The following PRMT7 variants were observed in gnomAD, a reference collection of about 807,000 sequenced individuals.
PRMT7 encodes the protein protein arginine N-methyltransferase 7.
Under a neutral mutation model 85.4 loss-of-function variants are expected in PRMT7, and 75 were observed. The observed-to-expected ratio is 0.88, with a 90% CI of 0.73 to 1.06. The LOEUF (loss-of-function observed/expected upper bound fraction) is 1.06, where lower values mean the gene tolerates loss of function less well. PRMT7 is among the 50% of genes least tolerant of loss of function. PRMT7 has a pLI of 0.00. For missense variants in PRMT7, 868 were observed against 915.2 expected (o/e 0.95, Z 0.67); for synonymous variants, 397 against 359.5 (o/e 1.10, Z -1.18).
At chr16:68,349,769 C>T (rs2086997853) in intron 14 of PRMT7, among the ~76,000 whole-genome samples, 2 of 152,052 alleles carry the variant, frequency 1.3e-5, no homozygotes, top group Admixed American at 1.3e-4. Flanking sequence ...TGGCACGTGC[C>T]TGTAGTCCCA....
intron 6 of PRMT7, among the ~76,000 whole-genome samples, chr16:68,332,201 A>G (rs571924138): frequency 1.8e-4 from 27 of 152,284 alleles, no homozygotes; most frequent in African/African-American, 6.5e-4. Flanking sequence ...ACGTTTTGGC[A>G]TTCTCCAACT....
chr16:68,321,417 GTT>G lies in PRMT7; in HGVS notation c.96-4_96-3del. ...TCATGCAAAGGTTACTGACTTTTTT[GTT>G]TTTTAGGTCATCTTATGCAGATATG... On this transcript the variant is annotated splice_polypyrimidine_tract_variant and splice_region_variant and intron_variant, in intron 3 of 18. Transcript: ENST00000441236. The G allele has an allele frequency of 1.2e-6, 2 of 1,603,406 alleles. No homozygotes were observed. Among genetic ancestry groups the G allele is most frequent in the Non-Finnish European group, 1.7e-6 (2 of 1,172,144 alleles).
At chr16:68,324,531 C>A in intron 4 of PRMT7, 152 bp from the exon 5 acceptor site, 3 of 857,820 alleles carry the variant, frequency 3.5e-6, no homozygotes, top group Non-Finnish European at 5.4e-6. Flanking sequence ...CAAGACCTGC[C>A]CAACTCAGCC....
Position 68,315,903 on chromosome 16 carries a change from G to T in PRMT7, c.-77G>T. The stretch of plus-strand genomic sequence containing the variant: ...TTCCTTCTGATGTTAATAGATTTCT[G>T]ACAGTCAGACTTGTCCACAAGAACT... On this transcript the variant is annotated 5_prime_UTR_variant, in exon 3 of 19. Coordinates refer to ENST00000441236, the MANE Select transcript of PRMT7 (RefSeq NM_019023.5). 1 of 1,185,984 alleles carries T rather than the reference G, an allele frequency of 8.4e-7. No homozygotes were observed. The highest frequency in any genetic ancestry group is 1.3e-5 in the South Asian group (1 of 79,316). The allele number at this position is 1,185,984 out of a possible 1,614,324, so 73.5% of individuals were successfully genotyped here. A position where few individuals can be genotyped will look rare whatever the true frequency, so the allele number is the denominator to read the frequency against.
intron 9 of PRMT7, among the ~76,000 whole-genome samples, chr16:68,342,080 C>T (rs1401255001): frequency 1.3e-5 from 2 of 152,116 alleles, no homozygotes; most frequent in Non-Finnish European, 2.9e-5. Flanking sequence ...GAGTTCGAGA[C>T]CAGCCTGGCC....
At chr16:68,317,409 G>T (rs2151374423) in intron 3 of PRMT7, among the ~76,000 whole-genome samples, 1 of 152,252 alleles carries the variant, frequency 6.6e-6, no homozygotes, top group Non-Finnish European at 1.5e-5. Flanking sequence ...GCTTTCAGAT[G>T]AGCCAGATTG....
Position 68,348,506 on chromosome 16 carries a change from C to T in PRMT7, c.1413+75C>T. 3 of 1,205,188 alleles carry T rather than the reference C, an allele frequency of 2.5e-6. 1 individual carries two copies. The South Asian group carries it at 4.1e-5, about 16-fold the overall frequency. 74.7% of individuals were successfully genotyped at this position (1,205,188 alleles called of 1,614,324 possible). A position where few individuals can be genotyped will look rare whatever the true frequency, so the allele number is the denominator to read the frequency against. On this transcript the variant is annotated intron_variant, in intron 14 of 18. Transcript: ENST00000441236. ...GCACGGCACTGAAGTAGCCCAGGCCCCACCCTGTCCCTGGAGTCTCACAGT... is the reference window on the plus strand; with the variant it reads ...GCACGGCACTGAAGTAGCCCAGGCCTCACCCTGTCCCTGGAGTCTCACAGT...
chr16:68,321,576 G>T, intron 4 of PRMT7, 114 bp downstream of exon 4: 2 of 995,110 alleles, frequency 2.0e-6, no homozygotes, highest in Non-Finnish European at 3.0e-6. Flanking sequence ...GAGGCGTATG[G>T]TGTAGAAGTC....
At chr16:68,333,030 G>A (rs1209358966) in intron 6 of PRMT7, among the ~76,000 whole-genome samples, 1 of 152,030 alleles carries the variant, frequency 6.6e-6, no homozygotes, top group Non-Finnish European at 1.5e-5. Flanking sequence ...GTCTCACTCT[G>A]TTGCCTAGGC....
chr16:68,353,647 C>G (rs1417801802), intron 16 of PRMT7, 81 bp downstream of exon 16: 2 of 1,354,838 alleles, frequency 1.5e-6, no homozygotes, highest in African/African-American at 3.0e-5. Context: ...GCTTGGGCAG[C>G]ACAGGCTCTT....
intron 5 of PRMT7, 110 bp downstream of exon 5, chr16:68,324,942 G>C: frequency 7.1e-7 from 1 of 1,415,544 alleles, no homozygotes. Context: ...TGCTCACTCT[G>C]TGCCAAGCAC....
intron 1 of PRMT7, 58 bp downstream of exon 1, chr16:68,311,157 G>A: frequency 1.6e-6 from 1 of 638,272 alleles, no homozygotes. Context: ...TGTGCAGCGA[G>A]CATGGTGTCC....
chr16:68,328,786 G>A (rs770414984), intron 5 of PRMT7, among the ~76,000 whole-genome samples: 9 of 152,058 alleles, frequency 5.9e-5, no homozygotes, highest in Non-Finnish European at 1.3e-4. Flanking sequence ...GCTTTTTGGC[G>A]TCCTCTTGTG....
chr16:68,330,885 G>A (rs1416512660), intron 6 of PRMT7, among the ~76,000 whole-genome samples: 7 of 152,148 alleles, frequency 4.6e-5, no homozygotes, highest in African/African-American at 7.2e-5. Context: ...GTGAGCCACC[G>A]CGCCCGGCCT....
intron 6 of PRMT7, among the ~76,000 whole-genome samples, chr16:68,331,159 G>T (rs957746594): frequency 2.1e-4 from 32 of 152,094 alleles, no homozygotes; most frequent in Non-Finnish European, 4.1e-4. Flanking sequence ...TTATAGATTA[G>T]ATTTGCCTGT....
intron 4 of PRMT7, chr16:68,323,964 A>C (rs2082797492): frequency 6.6e-6 from 1 of 152,252 alleles, no homozygotes; most frequent in African/African-American, 2.4e-5. Context: ...TGATGGGGAA[A>C]ATACTTTTTA....
intron 6 of PRMT7, among the ~76,000 whole-genome samples, chr16:68,335,065 G>A (rs2151659041): frequency 6.6e-6 from 1 of 152,238 alleles, no homozygotes; most frequent in East Asian, 1.9e-4. Flanking sequence ...TCAAAGTGCT[G>A]GAATTACAGG....
intron 13 of PRMT7, 55 bp from the exon 14 acceptor site, chr16:68,348,287 T>G (rs1484010052): frequency 2.2e-5 from 31 of 1,399,558 alleles, no homozygotes; most frequent in African/African-American, 2.9e-5. Flanking sequence ...TTTTTTTTCC[T>G]GACAAACACA....
Position 68,349,277 on chromosome 16 carries a change from C to A in PRMT7, c.1413+846C>A, listed in dbSNP as rs150606366. ...TCCGTGGCACTCTCCCCGTGTCCCC[C>A]GCTTCCCCTACTGCATCCTCTCTGG... On this transcript the variant is annotated intron_variant, in intron 14 of 18. Coordinates refer to ENST00000441236, the MANE Select transcript of PRMT7 (RefSeq NM_019023.5). 6.3e-3 allele frequency among the ~76,000 whole-genome samples: 965 copies of A among 152,182 alleles called. 9 individuals carry two copies. The highest frequency in any genetic ancestry group is 0.022 in the African/African-American group (914 of 41,510).
Sources: gnomAD v4.1 joint callset for allele counts (sites outside exome capture counted in the v4.1 genomes callset) on GRCh38, gnomAD v4.1.1 for gene constraint, MANE v1.5 for transcripts, NCBI Gene and HGNC (gene_info 2026-07-23, HGNC 2026-07-21) for gene names.